Variants in DACH1 observed in about 807,000 individuals in gnomAD.
DACH1 encodes dachshund homolog 1.
Under a neutral mutation model 54.2 loss-of-function variants are expected in DACH1, and 12 were observed. That is an observed-to-expected ratio of 0.22 (90% CI 0.14 to 0.36). The LOEUF is 0.36. Ranked by LOEUF, DACH1 falls within the 10% of genes least tolerant of loss-of-function variation. The pLI is 1.00. For missense variants in DACH1, 805 were observed against 929.8 expected, an observed-to-expected ratio of 0.87 and a Z score of 1.75; for synonymous variants, 386 against 366.2, an observed-to-expected ratio of 1.05 and a Z score of -0.62.
At chr13:71,752,214 T>A (rs1348325931) in intron 1 of DACH1, among the ~76,000 whole-genome samples, 1 of 152,172 alleles carries the variant, frequency 6.6e-6, no homozygotes, top group Non-Finnish European at 1.5e-5. Flanking sequence ...TTCTGAGCTA[T>A]TACAGTGCAT....
chr13:71,745,106 T>C lies in DACH1; in HGVS notation c.849-63196A>G, dbSNP rs991558932. 2.0e-5 allele frequency among the ~76,000 whole-genome samples: 3 copies of C among 152,244 alleles called. No homozygotes were observed. In the South Asian group the frequency reaches 6.2e-4, roughly 31 times the overall value. On this transcript the variant is annotated intron_variant, in intron 1 of 10. Coordinates refer to ENST00000613252, the MANE Select transcript of DACH1 (RefSeq NM_080759.6). ...ATTTATACAATCAGGTTGTAGACTA[T>C]GTGACACTGAATATTATAAAGGGTT... is the stretch of plus-strand genomic sequence containing the variant.
chr13:71,671,704 A>G (rs978760273), intron 2 of DACH1, among the ~76,000 whole-genome samples: 1 of 152,124 alleles, frequency 6.6e-6, no homozygotes, highest in African/African-American at 2.4e-5. Context: ...TTGTTTTGTA[A>G]CATAAACAAT....
chr13:71,538,460 G>T (rs1196247337), intron 6 of DACH1, among the ~76,000 whole-genome samples: 1 of 151,992 alleles, frequency 6.6e-6, no homozygotes, highest in African/African-American at 2.4e-5. Flanking sequence ...ACCTTGGAAG[G>T]TCTTCCTTAC....
At chr13:71,736,206 A>G (rs1884110417) in intron 1 of DACH1, among the ~76,000 whole-genome samples, 1 of 152,172 alleles carries the variant, frequency 6.6e-6, no homozygotes, top group Admixed American at 6.5e-5. Context: ...ATTATTGAAA[A>G]CAAATCTCAA....
intron 1 of DACH1, among the ~76,000 whole-genome samples, chr13:71,752,615 T>C (rs527864218): frequency 1.3e-5 from 2 of 152,210 alleles, no homozygotes; most frequent in East Asian, 1.9e-4. Context: ...TAACACTCTT[T>C]AGTAGATAAT....
chr13:71,514,453 C>A (rs1308327973), intron 6 of DACH1, among the ~76,000 whole-genome samples: 1 of 151,758 alleles, frequency 6.6e-6, no homozygotes, highest in Non-Finnish European at 1.5e-5. Context: ...ATTTCTGCAT[C>A]TTCTGCTACT....
intron 1 of DACH1, among the ~76,000 whole-genome samples, chr13:71,838,958 G>A (rs951231647): frequency 1.3e-5 from 2 of 152,024 alleles, no homozygotes; most frequent in African/African-American, 2.4e-5. Context: ...TTCAAATTCC[G>A]GTACAGAATG....
At chr13:71,503,435 CTTACT>C (rs1880076144) in intron 6 of DACH1, among the ~76,000 whole-genome samples, 1 of 152,074 alleles carries the variant, frequency 6.6e-6, no homozygotes, top group South Asian at 2.1e-4. Flanking sequence ...GTTGTAGTTA[CTTACT>C]TTAAGTTAGA....
chr13:71,599,073 TA>T (rs1874312738), intron 3 of DACH1, among the ~76,000 whole-genome samples: 1 of 152,070 alleles, frequency 6.6e-6, no homozygotes, highest in Non-Finnish European at 1.5e-5. Flanking sequence ...CACAAAACTT[TA>T]CTATAAAAAC....
At chr13:71,722,565 A>G (rs1429739151) in intron 1 of DACH1, among the ~76,000 whole-genome samples, 2 of 152,176 alleles carry the variant, frequency 1.3e-5, no homozygotes, top group African/African-American at 2.4e-5. Context: ...GCTTATATCA[A>G]TGTAAAAATC....
intron 1 of DACH1, chr13:71,845,895 T>C (rs1258328518): frequency 6.5e-6 from 1 of 152,772 alleles, no homozygotes; most frequent in Non-Finnish European, 1.5e-5. Flanking sequence ...CCTATGATGA[T>C]AACGAACTCG....
At chr13:71,605,395 A>T (rs1381228128) in intron 3 of DACH1, among the ~76,000 whole-genome samples, 2 of 151,760 alleles carry the variant, frequency 1.3e-5, no homozygotes, top group Non-Finnish European at 2.9e-5. Flanking sequence ...ATATCAAAAG[A>T]TATGTTCGAG....
chr13:71,581,007 A>T (rs1872805328), intron 3 of DACH1, among the ~76,000 whole-genome samples: 1 of 150,542 alleles, frequency 6.6e-6, no homozygotes, highest in East Asian at 1.9e-4. Context: ...AGTTTGTCTT[A>T]ATGTAAGTTC....
At chr13:71,527,456 G>A (rs1882066035) in intron 6 of DACH1, among the ~76,000 whole-genome samples, 1 of 152,200 alleles carries the variant, frequency 6.6e-6, no homozygotes, top group South Asian at 2.1e-4. Flanking sequence ...GAGTAGAAAA[G>A]TTGAAAGGGC....
At chr13:71,504,772 T>C (rs759966409) in intron 6 of DACH1, among the ~76,000 whole-genome samples, 84 of 152,198 alleles carry the variant, frequency 5.5e-4, no homozygotes, top group Admixed American at 1.0e-3. Context: ...ATGTTCAATG[T>C]ATATCAAGCT....
intron 1 of DACH1, among the ~76,000 whole-genome samples, chr13:71,700,731 T>A (rs1024243448): frequency 6.6e-6 from 1 of 152,150 alleles, no homozygotes; most frequent in African/African-American, 2.4e-5. Flanking sequence ...AATACTGTAA[T>A]ATGGCAAGAA....
intron 3 of DACH1, among the ~76,000 whole-genome samples, chr13:71,600,139 A>G (rs892055552): frequency 2.0e-5 from 3 of 152,114 alleles, no homozygotes; most frequent in Non-Finnish European, 4.4e-5. Context: ...CAATATAACC[A>G]ATAGGAAAGA....
chr13:71,557,145 A>G lies in DACH1; in HGVS notation c.1449T>C (p.Asn483=). 6.2e-7 allele frequency: 1 copy of G among 1,607,310 alleles called. No individual in the cohort carries two copies. The highest frequency in any genetic ancestry group is 2.2e-5 in the East Asian group (1 of 44,476). ...SSSDRIPVHQ[N]GLSMNQMLMG... ...TCAGCATCTGGTTCATGGACAACCC[A>G]TTCTGATGGACCGCTATTATGGCCC... is the stretch of plus-strand genomic sequence containing the variant. Residue 483 remains asparagine (N), a synonymous_variant, in exon 6 of 11, where the codon AAT becomes AAC. Transcript: ENST00000613252.
At position 71,565,766 on chromosome 13, in the gene DACH1, C is replaced by G. The variant is rs185881904; in HGVS notation, c.1300-5811G>C. 1.5e-3 allele frequency among the ~76,000 whole-genome samples: 231 copies of G among 152,274 alleles called. 2 individuals carry two copies. The highest frequency in any genetic ancestry group is 2.9e-3 in the Non-Finnish European group (194 of 68,024). ...ACCCCGTGAAACAACTTAATATAAT[C>G]TGAAACAACTTAACTTTATTCTCCT... is the stretch of plus-strand genomic sequence containing the variant. On this transcript the variant is annotated intron_variant, in intron 4 of 10. Coordinates refer to ENST00000613252, the MANE Select transcript of DACH1 (RefSeq NM_080759.6).
Sources: gnomAD v4.1 joint callset for allele counts (sites outside exome capture counted in the v4.1 genomes callset) on GRCh38, gnomAD v4.1.1 for gene constraint, MANE v1.5 for transcripts, NCBI Gene and HGNC (gene_info 2026-07-23, HGNC 2026-07-21) for gene names.